Variants in EVL observed in about 807,000 individuals in gnomAD.
EVL encodes Enah/Vasp-like.
A neutral mutation model predicts 59.6 loss-of-function variants in EVL; 21 were observed. That is an observed-to-expected ratio of 0.35 (90% CI 0.25 to 0.51). The LOEUF is 0.51. Among genes scored for constraint, EVL ranks in the 20% least tolerant of loss-of-function variants. EVL has a pLI of 0.97. For synonymous variants in EVL, 198 were observed against 203.5 expected (o/e 0.97, Z 0.23); for missense variants, 462 against 546.6 (o/e 0.85, Z 1.54).
At chr14:100,120,230 C>A (rs1488124818) in intron 3 of EVL, among the ~76,000 whole-genome samples, 1 of 152,188 alleles carries the variant, frequency 6.6e-6, no homozygotes, top group African/African-American at 2.4e-5. Context: ...TCTTTTCACT[C>A]AAGTCAGTTC....
chr14:100,125,879 T>C (rs1888041973), intron 4 of EVL, among the ~76,000 whole-genome samples: 1 of 152,158 alleles, frequency 6.6e-6, no homozygotes, highest in African/African-American at 2.4e-5. Flanking sequence ...AGTTAAGGCA[T>C]ACACCCTACA....
chr14:100,056,759 G>GA (rs1160427727), intron 1 of EVL, among the ~76,000 whole-genome samples: 1 of 152,010 alleles, frequency 6.6e-6, no homozygotes, highest in Non-Finnish European at 1.5e-5. Context: ...CTCTAAGCTT[G>GA]AAAAAACGAG....
At chr14:99,989,787 A>G (rs965694172) in intron 1 of EVL, among the ~76,000 whole-genome samples, 2 of 152,190 alleles carry the variant, frequency 1.3e-5, no homozygotes, top group African/African-American at 4.8e-5. Flanking sequence ...GGCACTCAGT[A>G]AATATCTGTT....
chr14:100,124,270 A>C (rs1172150828), intron 4 of EVL, among the ~76,000 whole-genome samples: 1 of 152,110 alleles, frequency 6.6e-6, no homozygotes, highest in Non-Finnish European at 1.5e-5. Context: ...ATAGGGAGTC[A>C]AGCTGCAGCT....
At chr14:100,028,225 G>A (rs1208336452) in intron 1 of EVL, among the ~76,000 whole-genome samples, 1 of 149,554 alleles carries the variant, frequency 6.7e-6, no homozygotes, top group African/African-American at 2.5e-5. Context: ...AGTGTACAAG[G>A]GCCCCCCTTT....
At chr14:100,079,859 TC>T (rs938399391) in intron 1 of EVL, among the ~76,000 whole-genome samples, 2 of 152,016 alleles carry the variant, frequency 1.3e-5, no homozygotes, top group African/African-American at 4.8e-5. Flanking sequence ...GAGATTGACT[TC>T]GGGCTGTCAT....
intron 9 of EVL, chr14:100,137,328 T>G: frequency 1.8e-6 from 1 of 553,810 alleles, no homozygotes. Flanking sequence ...ACCAGCAGGC[T>G]CACATTCCAG....
upstream of EVL, among the ~76,000 whole-genome samples, chr14:100,061,664 C>T (rs1381023501): frequency 6.6e-6 from 1 of 151,970 alleles, no homozygotes; most frequent in South Asian, 2.1e-4. Context: ...TTGCATCCCC[C>T]AAAATTTTAG....
Position 100,007,130 on chromosome 14 carries a change from G to A in EVL, c.5+35073G>A, listed in dbSNP as rs182139668. 3.9e-5 allele frequency among the ~76,000 whole-genome samples: 6 copies of A among 152,206 alleles called. No homozygotes were observed. In the East Asian group the frequency reaches 1.2e-3, roughly 29 times the overall value. On this transcript the variant is annotated intron_variant, in intron 1 of 13. Transcript: ENST00000402714. The stretch of plus-strand genomic sequence containing the variant: ...TCACACAGCCTCAACAGGTCCTGAC[G>A]ATATGTGCTCATGGTGGTCGGGGCA...
intron 1 of EVL, among the ~76,000 whole-genome samples, chr14:100,080,847 A>G (rs1489526112): frequency 6.6e-6 from 1 of 152,286 alleles, no homozygotes; most frequent in Non-Finnish European, 1.5e-5. Context: ...TGTTTTGATC[A>G]TATAAAAGAA....
chr14:100,061,404 A>C (rs2061827299), upstream of EVL, among the ~76,000 whole-genome samples: 1 of 2,950 alleles, frequency 3.4e-4, no homozygotes. Flanking sequence ...ACCCTGTCTC[A>C]AAAAAAAAAA....
rs1043200092 is a variant in EVL, at chr14:99,972,429, G to A, written c.5+372G>A. ...TCCCGACCGCGCGAGGACCGAAGTT[G>A]GCGGAAGCCCCTGTGCGGTGCCTTC... On this transcript the variant is annotated intron_variant, in intron 1 of 13. Coordinates refer to the EVL transcript ENST00000402714. This position sits in a 1 kb window ranked among gnomAD's most constrained non-coding sequence, Gnocchi z 4.4. Among the ~76,000 whole-genome samples the A allele has an allele frequency of 6.6e-6, 1 of 152,128 alleles. No individual in the cohort carries two copies. The highest frequency in any genetic ancestry group is 6.5e-5 in the Admixed American group (1 of 15,282).
At chr14:100,048,938 G>A (rs886590930) in intron 1 of EVL, among the ~76,000 whole-genome samples, 4 of 152,146 alleles carry the variant, frequency 2.6e-5, no homozygotes, top group African/African-American at 9.7e-5. Flanking sequence ...GGAATTGGTG[G>A]GGGCGGATAT....
chr14:99,989,034 TC>T (rs1325420490), intron 1 of EVL, among the ~76,000 whole-genome samples: 1 of 152,198 alleles, frequency 6.6e-6, no homozygotes, highest in Non-Finnish European at 1.5e-5. Flanking sequence ...TCTGTGAATA[TC>T]CTAAAAACTG....
At chr14:100,106,695 G>C (rs1886593193) in intron 3 of EVL, 1 of 397,460 alleles carries the variant, frequency 2.5e-6, no homozygotes, top group South Asian at 1.4e-4. Context: ...ATAAAAAGAG[G>C]ACCATCGGGC....
rs1211849 is a variant in EVL at position 100,015,940 on chromosome 14, C to G, written c.5+43883C>G. 1.5e-3 allele frequency among the ~76,000 whole-genome samples: 220 copies of G among 151,708 alleles called. 6 individuals are homozygous for G. Among genetic ancestry groups the G allele is most frequent in the African/African-American group, 5.0e-3 (207 of 41,380 alleles). On this transcript the variant is annotated intron_variant, in intron 1 of 13. Coordinates refer to the EVL transcript ENST00000402714. ...AAAATAAAATAAAAATTAGCCAGGC[C>G]TGGTGGTGCATGCCTGTAATCCCAG...
chr14:100,141,845 A>G lies in EVL; in HGVS notation c.1219+52A>G, dbSNP rs778357604. ...GGCACCCAGGTGTGGCCGCAGGACA[A>G]GGGTCCCTGTCACCCAGGCTGGGGG... On this transcript the variant is annotated intron_variant, in intron 13 of 13. Coordinates refer to ENST00000392920, the MANE Select transcript of EVL (RefSeq NM_016337.3). 7.0e-6 allele frequency: 11 copies of G among 1,576,992 alleles called. No individual in the cohort carries two copies. In the South Asian group the frequency reaches 9.1e-5, roughly 13 times the overall value.
intron 7 of EVL, 27 bp from the exon 8 acceptor site, chr14:100,132,692 C>T (rs375381049): frequency 1.2e-5 from 20 of 1,612,884 alleles, no homozygotes; most frequent in Non-Finnish European, 1.7e-5. Context: ...AGGAGCTGAT[C>T]TGTATCTTCC....
At chr14:100,023,264 GC>G (rs1236648906) in intron 1 of EVL, among the ~76,000 whole-genome samples, 1 of 150,574 alleles carries the variant, frequency 6.6e-6, no homozygotes, top group Non-Finnish European at 1.5e-5. Context: ...GCGTGCAGCG[GC>G]AGGATCTCAG....
Sources: allele counts gnomAD v4.1 joint callset (sites outside exome capture counted in the v4.1 genomes callset), GRCh38; gene constraint gnomAD v4.1.1; non-coding constraint Gnocchi (gnomAD v3.1); transcripts MANE v1.5; gene names NCBI Gene and HGNC (gene_info 2026-07-23, HGNC 2026-07-21).